The following NOX4 variants were observed in gnomAD, a reference collection of about 807,000 sequenced individuals.
NOX4 encodes the protein kidney oxidase-1.
NOX4 carries 69 observed loss-of-function variants against 87.6 expected under a neutral mutation model. The ratio of observed to expected loss-of-function variants is 0.79; its 90% CI spans 0.65 to 0.96. The LOEUF (loss-of-function observed/expected upper bound fraction) is 0.96, where lower values mean the gene tolerates loss of function less well. Ranked by LOEUF, NOX4 falls within the 40% of genes least tolerant of loss-of-function variation. The pLI is 0.00. For synonymous variants in NOX4, 275 were observed against 238.2 expected (o/e 1.15, Z -1.42); for missense variants, 680 against 681.5 (o/e 1.00, Z 0.02).
chr11:89,333,824 G>A (rs1255066765), intron 17 of NOX4, among the ~76,000 whole-genome samples: 1 of 151,738 alleles, frequency 6.6e-6, no homozygotes, highest in Admixed American at 6.6e-5. Context: ...TTCAGAAAAT[G>A]TAAACACATT....
intron 8 of NOX4, among the ~76,000 whole-genome samples, chr11:89,409,767 G>T (rs1942378294): frequency 6.6e-6 from 1 of 152,026 alleles, no homozygotes; most frequent in African/African-American, 2.4e-5. Flanking sequence ...AAAGATCATA[G>T]TTATATAGGA....
the NOX4 span, chr11:89,557,208 C>G: frequency 6.6e-6 from 1 of 152,002 alleles, no homozygotes; most frequent in Non-Finnish European, 1.5e-5. Context: ...AAAAAAAATC[C>G]CAAACTGTGT....
intron 5 of NOX4, among the ~76,000 whole-genome samples, chr11:89,443,224 C>T (rs1565299965): frequency 1.3e-5 from 2 of 152,006 alleles, no homozygotes; most frequent in Admixed American, 1.3e-4. Flanking sequence ...TGATTTGTTT[C>T]TGAATTTGTT....
rs187169250 is a variant in NOX4 at position 89,459,420 on chromosome 11, C to T, written c.154-7525G>A. ...AACACAATTTATCCCTATAGTAAAC[C>T]TGCACATGTACCACTGATCCTAAAA... On this transcript the variant is annotated intron_variant, in intron 2 of 17. Transcript: ENST00000263317. Among the ~76,000 whole-genome samples the T allele has an allele frequency of 7.8e-4, 119 of 152,082 alleles. 2 individuals carry two copies. In the Middle Eastern group the frequency reaches 0.014, roughly 17 times the overall value.
the NOX4 span, among the ~76,000 whole-genome samples, chr11:89,572,344 T>A: frequency 6.6e-6 from 1 of 152,230 alleles, no homozygotes; most frequent in South Asian, 2.1e-4. Flanking sequence ...TTTTATTTTT[T>A]CTTATTTTGG....
At chr11:89,348,656 C>T (rs1175395287) in intron 13 of NOX4, among the ~76,000 whole-genome samples, 1 of 152,086 alleles carries the variant, frequency 6.6e-6, no homozygotes, top group Admixed American at 6.6e-5. Flanking sequence ...CACATTTCTC[C>T]TTATACCTCG....
intron 3 of NOX4, among the ~76,000 whole-genome samples, 153 bp downstream of exon 3, chr11:89,451,632 C>G (rs180974752): frequency 6.6e-6 from 1 of 152,258 alleles, no homozygotes; most frequent in East Asian, 1.9e-4. Context: ...GAATAACTCA[C>G]AGATCATCTT....
the NOX4 span, among the ~76,000 whole-genome samples, chr11:89,566,204 A>G: frequency 2.0e-5 from 3 of 151,834 alleles, no homozygotes; most frequent in Admixed American, 2.0e-4. Context: ...CACAACGCCC[A>G]GCTAATTTTC....
At chr11:89,582,313 T>G in the NOX4 span, among the ~76,000 whole-genome samples, 1 of 152,182 alleles carries the variant, frequency 6.6e-6, no homozygotes. Flanking sequence ...TTTTCCATAT[T>G]GTGGCTATTG....
chr11:89,331,041 C>A (rs1222955276), intron 17 of NOX4, among the ~76,000 whole-genome samples: 1 of 151,866 alleles, frequency 6.6e-6, no homozygotes, highest in Non-Finnish European at 1.5e-5. Context: ...AATACAAATT[C>A]TTTTTAAGTG....
chr11:89,498,761 T>C (rs1443092273), upstream of NOX4: 1 of 152,280 alleles, frequency 6.6e-6, no homozygotes, highest in African/African-American at 2.4e-5. Flanking sequence ...TTGAATGCAC[T>C]TTGGCATAAT....
the NOX4 span, among the ~76,000 whole-genome samples, chr11:89,566,910 A>T: frequency 6.6e-6 from 1 of 152,108 alleles, no homozygotes. Context: ...AATCCCCGTG[A>T]CCTCCATATA....
chr11:89,447,467 G>A (rs994575464), intron 4 of NOX4, among the ~76,000 whole-genome samples: 8 of 152,146 alleles, frequency 5.3e-5, no homozygotes, highest in African/African-American at 1.7e-4. Flanking sequence ...TAGGCAGCAA[G>A]GAAGCAGCTC....
chr11:89,426,434 C>T (rs1326824370), intron 7 of NOX4, among the ~76,000 whole-genome samples: 1 of 151,824 alleles, frequency 6.6e-6, no homozygotes, highest in Non-Finnish European at 1.5e-5. Context: ...CATCGCCTCA[C>T]CTGGGAAGCG....
chr11:89,394,860 C>T (rs1941366811), intron 11 of NOX4, among the ~76,000 whole-genome samples: 1 of 152,300 alleles, frequency 6.6e-6, no homozygotes, highest in East Asian at 1.9e-4. Context: ...GCATAGCATT[C>T]CATGGTGTAT....
chr11:89,506,030 T>C, the NOX4 span, among the ~76,000 whole-genome samples: 1 of 151,830 alleles, frequency 6.6e-6, no homozygotes, highest in Admixed American at 6.6e-5. Flanking sequence ...TTTATGGTAT[T>C]GATAAACATA....
At chr11:89,427,943 G>C (rs939198722) in intron 7 of NOX4, among the ~76,000 whole-genome samples, 1 of 152,124 alleles carries the variant, frequency 6.6e-6, no homozygotes, top group Non-Finnish European at 1.5e-5. Flanking sequence ...TGAAATAAAG[G>C]AAAAAATGTT....
the NOX4 span, among the ~76,000 whole-genome samples, chr11:89,513,389 G>A: frequency 6.6e-6 from 1 of 151,360 alleles, no homozygotes; most frequent in African/African-American, 2.4e-5. Flanking sequence ...AGATCCTATG[G>A]AATACTTGAC....
chr11:89,525,012 T>G, the NOX4 span, among the ~76,000 whole-genome samples: 1 of 152,110 alleles, frequency 6.6e-6, no homozygotes, highest in South Asian at 2.1e-4. Context: ...CAAACTGTTA[T>G]GCAGATTAAA....
Sources: allele counts gnomAD v4.1 joint callset (sites outside exome capture counted in the v4.1 genomes callset), GRCh38; gene constraint gnomAD v4.1.1; transcripts MANE v1.5; gene names NCBI Gene and HGNC (gene_info 2026-07-23, HGNC 2026-07-21).